ME3: variants seen among roughly 807,000 people sequenced by gnomAD.
ME3 encodes the protein malic enzyme 3.
A neutral mutation model predicts 68.9 loss-of-function variants in ME3; 48 were observed. That is an observed-to-expected ratio of 0.70 (90% CI 0.55 to 0.89). The LOEUF is 0.89. Ranked by LOEUF, ME3 falls within the 40% of genes least tolerant of loss-of-function variation. The pLI is 0.00. For missense variants in ME3, 675 were observed against 797.4 expected (o/e 0.85, Z 1.85); for synonymous variants, 320 against 318.8 (o/e 1.00, Z -0.04).
At chr11:86,669,490 ACC>A (rs1458956227) in intron 2 of ME3, among the ~76,000 whole-genome samples, 2 of 152,062 alleles carry the variant, frequency 1.3e-5, no homozygotes, top group Non-Finnish European at 2.9e-5. Flanking sequence ...TGGCGAAGGC[ACC>A]TCCTCAGAGG....
intron 2 of ME3, among the ~76,000 whole-genome samples, chr11:86,670,923 A>G (rs571933782): frequency 1.4e-4 from 22 of 152,356 alleles, no homozygotes; most frequent in African/African-American, 5.3e-4. Context: ...TGGGCCTCAG[A>G]TAAGTTAAAT....
At chr11:86,563,360 C>A (rs1454817374) in intron 2 of ME3, among the ~76,000 whole-genome samples, 1 of 152,060 alleles carries the variant, frequency 6.6e-6, no homozygotes. Context: ...TTGATAATAG[C>A]CATTCTGACT....
rs377333971 is a variant in ME3, at chr11:86,548,684, A to G, written c.467+7869T>C. Among the ~76,000 whole-genome samples the G allele has an allele frequency of 4.1e-4, 63 of 152,370 alleles. 1 individual carries two copies. The highest frequency in any genetic ancestry group is 1.5e-3 in the African/African-American group (62 of 41,598). ...TGTAGCCACAGTGCTCTAATCTGCA[A>G]GAAAAATGAAAGACCGTGAGGGTTG... On this transcript the variant is annotated intron_variant, in intron 4 of 14. Coordinates refer to ENST00000543262, the Ensembl canonical transcript of ME3.
intron 2 of ME3, chr11:86,668,368 T>A (rs942436927): frequency 6.6e-6 from 1 of 152,248 alleles, no homozygotes; most frequent in African/African-American, 2.4e-5. Flanking sequence ...TTAACTTCAA[T>A]GCATTTGCTA....
chr11:86,479,182 C>T (rs1951251001), intron 7 of ME3, among the ~76,000 whole-genome samples: 1 of 152,160 alleles, frequency 6.6e-6, no homozygotes, highest in South Asian at 2.1e-4. Flanking sequence ...ATTTGGAACA[C>T]CCATCTTCTC....
intron 4 of ME3, among the ~76,000 whole-genome samples, chr11:86,532,270 A>G (rs896808850): frequency 6.6e-6 from 1 of 152,212 alleles, no homozygotes. Context: ...CTGCAATACA[A>G]TAATAGCAGA....
Position 86,593,208 on chromosome 11 carries a change from T to C in ME3, c.184-33385A>G, listed in dbSNP as rs762939091. 3.4e-5 allele frequency among the ~76,000 whole-genome samples: 5 copies of C among 147,710 alleles called. 1 individual carries two copies. The highest frequency in any genetic ancestry group is 7.4e-5 in the Non-Finnish European group (5 of 67,332). ...TTTCCTCCACCCTCCTTCACTCACA[T>C]AGTAAAAGTTAGCTACTGCCTGCAA... On this transcript the variant is annotated intron_variant, in intron 2 of 14. Coordinates refer to ENST00000543262, the Ensembl canonical transcript of ME3.
chr11:86,508,584 G>A (rs1953259145), intron 5 of ME3, among the ~76,000 whole-genome samples: 2 of 152,090 alleles, frequency 1.3e-5, no homozygotes, highest in Admixed American at 6.6e-5. Context: ...AATAATGAAG[G>A]GCAATGTCAC....
intron 2 of ME3, among the ~76,000 whole-genome samples, chr11:86,648,822 TA>T (rs1382746637): frequency 8.5e-5 from 13 of 152,104 alleles, no homozygotes; most frequent in Non-Finnish European, 1.6e-4. Flanking sequence ...ATTGAGGCAG[TA>T]ATTAATAGCC....
chr11:86,663,598 CA>C (rs1275808928), intron 2 of ME3, among the ~76,000 whole-genome samples: 5 of 152,164 alleles, frequency 3.3e-5, no homozygotes, highest in African/African-American at 1.2e-4. Flanking sequence ...TCTTTGCAAA[CA>C]AAAGTGCTGC....
intron 2 of ME3, among the ~76,000 whole-genome samples, chr11:86,610,029 A>G (rs1008065656): frequency 1.3e-5 from 2 of 152,226 alleles, no homozygotes; most frequent in African/African-American, 4.8e-5. Context: ...CCTAGAAGTC[A>G]GGAAGTTGAG....
At chr11:86,454,342 T>C (rs1949799558) in intron 8 of ME3, among the ~76,000 whole-genome samples, 2 of 152,358 alleles carry the variant, frequency 1.3e-5, no homozygotes, top group South Asian at 4.1e-4. Flanking sequence ...AAAATGTATA[T>C]ACTAGGATGT....
chr11:86,626,365 G>A (rs915979735), intron 2 of ME3, among the ~76,000 whole-genome samples: 2 of 152,202 alleles, frequency 1.3e-5, no homozygotes, highest in Non-Finnish European at 2.9e-5. Context: ...CACCTGGGCA[G>A]CAGCAGTTCC....
chr11:86,646,986 T>C (rs623785), intron 2 of ME3, among the ~76,000 whole-genome samples: 138,534 of 152,210 alleles, frequency 0.91, 63,120 homozygotes, highest in Middle Eastern at 0.96. Context: ...AAATCTTTTA[T>C]AGACAAGCAA....
intron 13 of ME3, among the ~76,000 whole-genome samples, chr11:86,445,818 A>G (rs1195839327): frequency 6.6e-6 from 1 of 152,146 alleles, no homozygotes; most frequent in East Asian, 1.9e-4. Context: ...ATCAGTGCTC[A>G]AGATCTGGGT....
chr11:86,595,614 C>T lies in ME3; in HGVS notation c.184-35791G>A, dbSNP rs574915764. On this transcript the variant is annotated intron_variant, in intron 2 of 14. Coordinates refer to ENST00000543262, the Ensembl canonical transcript of ME3. ...GATTGATTGAGTGTCTCCTATGAAC[C>T]AGGCACTGTGCTGGCTCAAGGTCAC... Among the ~76,000 whole-genome samples the T allele has an allele frequency of 2.0e-5, 3 of 152,270 alleles. No homozygotes were observed. The South Asian group carries it at 6.2e-4, about 32-fold the overall frequency.
intron 2 of ME3, among the ~76,000 whole-genome samples, chr11:86,565,606 A>C (rs926720313): frequency 4.6e-5 from 7 of 152,226 alleles, no homozygotes; most frequent in Non-Finnish European, 8.8e-5. Context: ...ACACTATGCT[A>C]AGTAAAATAA....
At chr11:86,500,817 G>T (rs1952674217) in intron 5 of ME3, among the ~76,000 whole-genome samples, 1 of 152,002 alleles carries the variant, frequency 6.6e-6, no homozygotes, top group Non-Finnish European at 1.5e-5. Context: ...CCATTCGTCA[G>T]CAGCATAAAT....
At chr11:86,546,782 G>C (rs750676482) in intron 4 of ME3, among the ~76,000 whole-genome samples, 44 of 152,176 alleles carry the variant, frequency 2.9e-4, no homozygotes, top group Non-Finnish European at 4.9e-4. Context: ...TGTAGAACCA[G>C]AAATACAATT....
Sources: allele counts gnomAD v4.1 joint callset (sites outside exome capture counted in the v4.1 genomes callset), GRCh38; gene constraint gnomAD v4.1.1; transcripts MANE v1.5; gene names NCBI Gene and HGNC (gene_info 2026-07-23, HGNC 2026-07-21).